The following KCNC4 variants were observed in gnomAD, a reference collection of about 807,000 sequenced individuals.
The protein encoded by KCNC4 is potassium voltage-gated channel subfamily C member 4.
Under a neutral mutation model 42.8 loss-of-function variants are expected in KCNC4, and 23 were observed. The ratio of observed to expected loss-of-function variants is 0.54; its 90% CI spans 0.39 to 0.76. The LOEUF (loss-of-function observed/expected upper bound fraction) is 0.76. Among genes scored for constraint, KCNC4 ranks in the 30% least tolerant of loss-of-function variants. KCNC4 has a pLI of 0.00. For synonymous variants in KCNC4, 422 were observed against 393.5 expected (o/e 1.07, Z -0.86); for missense variants, 751 against 898.2 (o/e 0.84, Z 2.10).
At chr1:110,218,299 C>T (rs1194102492) in intron 1 of KCNC4, among the ~76,000 whole-genome samples, 1 of 152,152 alleles carries the variant, frequency 6.6e-6, no homozygotes, top group Non-Finnish European at 1.5e-5. Context: ...CCCTCATCCC[C>T]TCAAACATAG....
At position 110,232,621 on chromosome 1, in the gene KCNC4, AC is replaced by A. The variant is rs1658754027; in HGVS notation, c.1820-288del. 37 of 1,441,280 alleles carry A rather than the reference AC, an allele frequency of 2.6e-5. No homozygotes were observed. The South Asian group carries it at 5.5e-4, about 21-fold the overall frequency. 89.3% of individuals were successfully genotyped at this position (1,441,280 alleles called of 1,614,324 possible). ...AGGTATGGCGATGAGCTACAACATC[AC>A]CTGAGTCACCAGAGTTGGGTTGGCA... On this transcript the variant is annotated intron_variant, in intron 3 of 3. Coordinates refer to ENST00000438661, the MANE Select transcript of KCNC4 (RefSeq NM_001039574.3).
chr1:110,211,291 C>T lies in KCNC4; in HGVS notation c.-209C>T. 1.4e-6 allele frequency: 1 copy of T among 700,060 alleles called. No individual in the cohort carries two copies. 43.4% of individuals were successfully genotyped at this position (700,060 alleles called of 1,614,324 possible). Reference sequence around the variant, plus strand: ...CTCTCTCCGGAGCTTCCTGCCCTAACCCCAACCACCTGTGTACCGGAGAAA... The same window carrying T: ...CTCTCTCCGGAGCTTCCTGCCCTAATCCCAACCACCTGTGTACCGGAGAAA... On this transcript the variant is annotated 5_prime_UTR_variant, in exon 1 of 4. Coordinates refer to ENST00000438661, the MANE Select transcript of KCNC4 (RefSeq NM_001039574.3). This position sits in a 1 kb window ranked among gnomAD's most constrained non-coding sequence, Gnocchi z 6.5.
exon 4 of KCNC4, chr1:110,241,687 A>G (rs549589047): frequency 1.3e-5 from 2 of 152,202 alleles, no homozygotes; most frequent in East Asian, 1.9e-4. Flanking sequence ...ACATTCTACT[A>G]TTGTGTCCTC....
intron 1 of KCNC4, among the ~76,000 whole-genome samples, chr1:110,258,880 C>T (rs1269035410): frequency 6.6e-6 from 1 of 152,204 alleles, no homozygotes; most frequent in Non-Finnish European, 1.5e-5. Context: ...CTCCCCTCCT[C>T]CTGCTCCCAT....
In KCNC4 at chr1:110,223,960, A is replaced by C; in HGVS notation, c.1615+60A>C. On this transcript the variant is annotated intron_variant, in intron 2 of 3. Transcript: ENST00000438661. The surrounding 1 kb of genome is among the most constrained non-coding windows in gnomAD (Gnocchi z 7.5). ...CCCCCAGTGGCCTAGGGAGTTTCCA[A>C]ATGGACCTCAGACCTTGGGATTTGG... is the stretch of plus-strand genomic sequence containing the variant. 7.7e-7 allele frequency: 1 copy of C among 1,306,124 alleles called. No individual in the cohort carries two copies. Among genetic ancestry groups the C allele is most frequent in the Non-Finnish European group, 1.1e-6 (1 of 943,418 alleles). The allele number at this position is 1,306,124 out of a possible 1,614,324, so 80.9% of individuals were successfully genotyped here. A position where few individuals can be genotyped will look rare whatever the true frequency, so the allele number is the denominator to read the frequency against.
chr1:110,233,461 CCA>C lies in KCNC4; in HGVS notation c.*490_*491del. 1.1e-5 allele frequency: 2 copies of C among 188,180 alleles called. No individual in the cohort carries two copies. The highest frequency in any genetic ancestry group is 1.0e-4 in the South Asian group (1 of 9,654). The allele number at this position is 188,180 out of a possible 1,614,324, so 11.7% of individuals were successfully genotyped here. A position where few individuals can be genotyped will look rare whatever the true frequency, so the allele number is the denominator to read the frequency against. On this transcript the variant is annotated 3_prime_UTR_variant, in exon 4 of 4. Transcript: ENST00000438661. Reference sequence around the variant, plus strand: ...GTAACCTGGTGAAGTCTATTGAAGGCCAGACTGCCCCCTAGGGTCACTGCTTC... The same window carrying C: ...GTAACCTGGTGAAGTCTATTGAAGGCGACTGCCCCCTAGGGTCACTGCTTC...
intron 1 of KCNC4, among the ~76,000 whole-genome samples, chr1:110,214,889 G>A (rs1657689381): frequency 6.6e-6 from 1 of 152,196 alleles, no homozygotes. Flanking sequence ...AGGGTACTAT[G>A]CCATGCGGGG....
At chr1:110,247,054 G>T in exon 4 of KCNC4, 1 of 151,924 alleles carries the variant, frequency 6.6e-6, no homozygotes. Context: ...CTCTTGTTCC[G>T]GCTGTGTTGC....
At chr1:110,237,459 A>T (rs1307650728), downstream of KCNC4, 1 of 152,180 alleles carries the variant, frequency 6.6e-6, no homozygotes, top group African/African-American at 2.4e-5. Context: ...GAAAAAAAAA[A>T]AACTTTCTAA....
At chr1:110,228,906 A>G (rs935415163) in intron 3 of KCNC4, 1 of 152,094 alleles carries the variant, frequency 6.6e-6, no homozygotes, top group Non-Finnish European at 1.5e-5. Context: ...GGGGAAAGCA[A>G]TCCCAGAGCT....
chr1:110,234,802 T>TA (rs1313991399), downstream of KCNC4: 1 of 152,316 alleles, frequency 6.6e-6, no homozygotes, highest in Non-Finnish European at 1.5e-5. Flanking sequence ...ATTCTTGTCT[T>TA]ACTCCTCACT....
rs557039649 is a variant in KCNC4 at position 110,223,208 on chromosome 1, A to G, written c.923A>G (p.Asp308Gly). ...VRIVCCPDTL[D>G]FVKNLLNIID... ...ATCGTGTGCTGCCCCGACACGCTGGACTTCGTCAAGAACCTGCTCAACATC... is the reference window on the plus strand; with the variant it reads ...ATCGTGTGCTGCCCCGACACGCTGGGCTTCGTCAAGAACCTGCTCAACATC... The change falls in exon 2 of 4, where the codon GAC (aspartate) becomes GGC (glycine). Residue 308 changes from aspartate (D) to glycine (G), a missense_variant. Physicochemically the swap from Asp to Gly is moderately conservative, Grantham distance 94. Around this residue, in one of 4 missense-constraint regions of KCNC4, gnomAD observed 185 missense variants for 293.7 expected, o/e 0.63. Transcript: ENST00000438661. This position sits in a 1 kb window ranked among gnomAD's most constrained non-coding sequence, Gnocchi z 7.5. 235 of 1,614,150 alleles carry G rather than the reference A, an allele frequency of 1.5e-4. No individual in the cohort carries two copies. The South Asian group carries it at 2.5e-3, about 17-fold the overall frequency.
chr1:110,227,531 C>G (rs2077399), intron 3 of KCNC4, among the ~76,000 whole-genome samples: 29,328 of 152,196 alleles, frequency 0.19, 5,062 homozygotes, highest in African/African-American at 0.47. Flanking sequence ...CAGACCTCTA[C>G]CCTCGCCTGT....
intron 1 of KCNC4, among the ~76,000 whole-genome samples, chr1:110,278,694 C>A (rs946761920): frequency 6.6e-6 from 1 of 152,148 alleles, no homozygotes. Flanking sequence ...TCTGTGCCTA[C>A]GTCCTGAACT....
At chr1:110,217,118 A>G (rs1657840683) in intron 1 of KCNC4, among the ~76,000 whole-genome samples, 1 of 152,204 alleles carries the variant, frequency 6.6e-6, no homozygotes, top group Non-Finnish European at 1.5e-5. Flanking sequence ...ACAAAAGCCA[A>G]GTCGGGTAGA....
exon 4 of KCNC4, chr1:110,244,399 A>G (rs1659098920): frequency 7.0e-6 from 1 of 142,138 alleles, no homozygotes. Context: ...AAATAACAAA[A>G]CCCAGTTCCA....
chr1:110,238,652 T>G (rs1658960764), downstream of KCNC4: 1 of 152,144 alleles, frequency 6.6e-6, no homozygotes, highest in Non-Finnish European at 1.5e-5. Context: ...AGTGCCTGGG[T>G]GTCTTCACAG....
chr1:110,228,120 G>A (rs968612683), intron 3 of KCNC4, among the ~76,000 whole-genome samples: 44 of 152,124 alleles, frequency 2.9e-4, no homozygotes, highest in South Asian at 4.1e-4. Context: ...ACGCCGTACC[G>A]TGCCGCACTT....
At chr1:110,247,548 CT>C (rs1418781150) in exon 4 of KCNC4, 1 of 76,230 alleles carries the variant, frequency 1.3e-5, no homozygotes, top group Non-Finnish European at 2.8e-5. Flanking sequence ...GAAGTCTTTT[CT>C]TTTTTCTTTT....
Sources: gnomAD v4.1 joint callset for allele counts (sites outside exome capture counted in the v4.1 genomes callset) on GRCh38, gnomAD v4.1.1 for gene constraint, gnomAD v4.1.1 regional missense constraint, Gnocchi (gnomAD v3.1) non-coding constraint, MANE v1.5 for transcripts, NCBI Gene and HGNC (gene_info 2026-07-23, HGNC 2026-07-21) for gene names.